Variants in KIF26B observed in about 807,000 individuals in gnomAD.
The protein encoded by KIF26B is kinesin family member 26B.
A neutral mutation model predicts 151.2 loss-of-function variants in KIF26B; 63 were observed. The observed-to-expected ratio is 0.42, with a 90% CI of 0.34 to 0.51. The LOEUF (loss-of-function observed/expected upper bound fraction) is 0.51, where lower values mean the gene tolerates loss of function less well. Among genes scored for constraint, KIF26B ranks in the 20% least tolerant of loss-of-function variants. The pLI, the probability that KIF26B is intolerant of heterozygous loss-of-function variation, is 0.07. For synonymous variants in KIF26B, 1,357 were observed against 1,262.1 expected (o/e 1.08, Z -1.59); for missense variants, 2,813 against 2,913.6 (o/e 0.97, Z 0.79).
chr1:245,678,729 G>GGC lies in KIF26B; in HGVS notation c.2259-5503_2259-5502insCG, dbSNP rs1326192639. 1.7e-4 allele frequency among the ~76,000 whole-genome samples: 26 copies of GGC among 152,156 alleles called. 1 individual carries two copies. The highest frequency in any genetic ancestry group is 4.4e-5 in the Non-Finnish European group (3 of 68,008). On this transcript the variant is annotated intron_variant, in intron 10 of 14. Coordinates refer to ENST00000407071, the MANE Select transcript of KIF26B (RefSeq NM_018012.4). The stretch of plus-strand genomic sequence containing the variant: ...AATACAAAAAATTGCTGGGCGTGGT[G>GGC]GTGCATGCCTGTAGTTCCAGCTACT...
intron 2 of KIF26B, among the ~76,000 whole-genome samples, chr1:245,236,683 A>T (rs1453476617): frequency 6.6e-6 from 1 of 152,218 alleles, no homozygotes; most frequent in Non-Finnish European, 1.5e-5. Context: ...TTTTGGTAAG[A>T]ATGTCTAAAC....
chr1:245,700,699 G>T (rs1047233679), intron 14 of KIF26B, among the ~76,000 whole-genome samples: 2 of 152,190 alleles, frequency 1.3e-5, no homozygotes, highest in Non-Finnish European at 2.9e-5. Flanking sequence ...ATGCACTGAG[G>T]AGTTGGATCT....
At chr1:245,363,351 C>G (rs1242277958) in intron 2 of KIF26B, among the ~76,000 whole-genome samples, 1 of 152,108 alleles carries the variant, frequency 6.6e-6, no homozygotes, top group Admixed American at 6.6e-5. Flanking sequence ...CATGCACCAC[C>G]AACCCAGCTA....
intron 5 of KIF26B, among the ~76,000 whole-genome samples, chr1:245,590,237 C>T (rs944816496): frequency 6.6e-6 from 1 of 151,120 alleles, no homozygotes; most frequent in Admixed American, 6.6e-5. Context: ...GGCCCCTGGC[C>T]GCACCGTGCC....
At chr1:245,271,205 T>C (rs900978250) in intron 2 of KIF26B, among the ~76,000 whole-genome samples, 1 of 152,220 alleles carries the variant, frequency 6.6e-6, no homozygotes, top group Non-Finnish European at 1.5e-5. Flanking sequence ...AGCTTTGTTC[T>C]TTTTTCTTCA....
rs1245040038 is a variant in KIF26B, at chr1:245,687,338, C to G, written c.4355C>G (p.Thr1452Arg). The G allele has an allele frequency of 1.3e-6, 2 of 1,596,860 alleles. No individual in the cohort carries two copies. The highest frequency in any genetic ancestry group is 1.7e-6 in the Non-Finnish European group (2 of 1,172,274). ...LKREEEVKKETAHPNEEGMMR... is the reference protein window; with the variant it reads ...LKREEEVKKERAHPNEEGMMR... ...CGAGAAGAGGAAGTGAAAAAAGAGA[C>G]GGCTCATCCCAATGAAGAAGGGATG... is the stretch of plus-strand genomic sequence containing the variant. Residue 1452 changes from threonine to arginine, a missense_variant, in exon 12 of 15, where the codon ACG becomes AGG. Thr to Arg is a moderately conservative substitution (Grantham distance 71). Coordinates refer to ENST00000407071, the MANE Select transcript of KIF26B (RefSeq NM_018012.4). The surrounding 1 kb of genome is among the most constrained non-coding windows in gnomAD (Gnocchi z 4.9).
At chr1:245,195,715 C>T (rs1369462759) in intron 2 of KIF26B, among the ~76,000 whole-genome samples, 1 of 152,170 alleles carries the variant, frequency 6.6e-6, no homozygotes, top group Non-Finnish European at 1.5e-5. Flanking sequence ...CCGCCAAACA[C>T]CGAAAGAGCT....
intron 2 of KIF26B, among the ~76,000 whole-genome samples, chr1:245,208,549 G>A (rs558459253): frequency 2.2e-4 from 34 of 152,296 alleles, no homozygotes; most frequent in African/African-American, 7.5e-4. Flanking sequence ...CCGTGGGTAC[G>A]TGCACAGAAA....
At chr1:245,579,789 G>A (rs916117837) in intron 5 of KIF26B, among the ~76,000 whole-genome samples, 7 of 151,722 alleles carry the variant, frequency 4.6e-5, no homozygotes, top group East Asian at 3.9e-4. Context: ...TGGAGGTTGC[G>A]GTGAGCCGAG....
At position 245,688,107 on chromosome 1, in the gene KIF26B, G is replaced by T. The variant is rs775432887; in HGVS notation, c.5124G>T (p.Arg1708Ser). ...ACGGCACCATGCCCCGCGCGGGGAG[G>T]AGCCTGGGCCGCAGCGCCGGGACCT... is the stretch of plus-strand genomic sequence containing the variant. ...GKDGTMPRAG[R>S]SLGRSAGTSP... Residue 1708 changes from arginine (R) to serine (S), a missense_variant, in exon 12 of 15, where the codon AGG becomes AGT. By Grantham distance (110) the Arg-to-Ser change is moderately radical (BLOSUM62 -1). This residue lies in a region of KIF26B where 2,060 missense variants were observed against 2,088.6 expected (regional missense o/e 0.99). Transcript: ENST00000407071. 2.6e-6 allele frequency: 4 copies of T among 1,558,270 alleles called. No individual in the cohort carries two copies. In the Admixed American group the frequency reaches 5.7e-5, roughly 22 times the overall value.
At chr1:245,611,437 G>T (rs576550895) in intron 8 of KIF26B, among the ~76,000 whole-genome samples, 2 of 152,236 alleles carry the variant, frequency 1.3e-5, no homozygotes, top group South Asian at 2.1e-4. Flanking sequence ...TGTTTTCTTA[G>T]GTAAATGGAT....
intron 5 of KIF26B, among the ~76,000 whole-genome samples, chr1:245,547,565 G>A (rs185777314): frequency 2.0e-4 from 25 of 126,226 alleles, no homozygotes; most frequent in Admixed American, 1.4e-3. Context: ...CAGGCTGGGC[G>A]ACAGAGCGAG....
chr1:245,173,127 C>G (rs917132904), intron 2 of KIF26B, among the ~76,000 whole-genome samples: 1 of 152,248 alleles, frequency 6.6e-6, no homozygotes, highest in South Asian at 2.1e-4. Context: ...GGACATTATG[C>G]CAAGTGAAAT....
intron 4 of KIF26B, among the ~76,000 whole-genome samples, chr1:245,466,509 T>G (rs1259990879): frequency 6.6e-6 from 1 of 152,190 alleles, no homozygotes; most frequent in Non-Finnish European, 1.5e-5. Flanking sequence ...AAGAAAAGAT[T>G]TTCAATGACA....
chr1:245,333,027 T>A (rs1672144892), intron 2 of KIF26B, among the ~76,000 whole-genome samples: 1 of 151,936 alleles, frequency 6.6e-6, no homozygotes, highest in African/African-American at 2.4e-5. Flanking sequence ...GCAGCAAGAA[T>A]CAAAGGACTG....
chr1:245,451,679 C>A (rs1659397659), intron 4 of KIF26B, among the ~76,000 whole-genome samples: 1 of 142,280 alleles, frequency 7.0e-6, no homozygotes, highest in Non-Finnish European at 1.5e-5. Context: ...CAGCTTACTG[C>A]AACCTCTGCC....
At chr1:245,165,802 G>T (rs1218165588) in intron 2 of KIF26B, among the ~76,000 whole-genome samples, 4 of 152,174 alleles carry the variant, frequency 2.6e-5, no homozygotes. Flanking sequence ...GGTCAAGGAA[G>T]TAAGGACTGA....
intron 2 of KIF26B, among the ~76,000 whole-genome samples, chr1:245,308,595 G>A (rs1260093451): frequency 1.3e-5 from 2 of 152,164 alleles, no homozygotes; most frequent in African/African-American, 4.8e-5. Flanking sequence ...AGCCGGGCAT[G>A]GTAGCGTGCA....
intron 4 of KIF26B, among the ~76,000 whole-genome samples, chr1:245,518,916 C>T (rs148769459): frequency 4.1e-3 from 622 of 152,294 alleles, no homozygotes; most frequent in African/African-American, 0.014. Flanking sequence ...TACACACTCA[C>T]TCCCGGATCC....
Sources: allele counts gnomAD v4.1 joint callset (sites outside exome capture counted in the v4.1 genomes callset), GRCh38; gene constraint gnomAD v4.1.1; regional missense constraint gnomAD v4.1.1; non-coding constraint Gnocchi (gnomAD v3.1); transcripts MANE v1.5; gene names NCBI Gene and HGNC (gene_info 2026-07-23, HGNC 2026-07-21).